The following LINGO2 variants were observed in gnomAD, a reference collection of about 807,000 sequenced individuals.
LINGO2 encodes leucine-rich repeat and immunoglobulin-like domain-containing nogo receptor-interacting protein 2.
LINGO2 carries 14 observed loss-of-function variants against 30.6 expected under a neutral mutation model. That is an observed-to-expected ratio of 0.46 (90% confidence interval 0.30 to 0.72). The LOEUF (loss-of-function observed/expected upper bound fraction) is 0.72. Among genes scored for constraint, LINGO2 ranks in the 30% least tolerant of loss-of-function variants. The pLI is 0.07. For synonymous variants in LINGO2, 317 were observed against 288.5 expected (o/e 1.10, Z -1.00); for missense variants, 729 against 751.7 (o/e 0.97, Z 0.35).
At chr9:29,154,714 G>A in the LINGO2 span, among the ~76,000 whole-genome samples, 2 of 152,108 alleles carry the variant, frequency 1.3e-5, no homozygotes, top group Admixed American at 1.3e-4. Flanking sequence ...ATGGAATCCA[G>A]GTACCACAGC....
intron 4 of LINGO2, among the ~76,000 whole-genome samples, chr9:28,209,070 C>T (rs756993236): frequency 9.2e-5 from 14 of 151,930 alleles, no homozygotes; most frequent in Non-Finnish European, 1.5e-4. Flanking sequence ...CGACAGAGAG[C>T]AAAAATACCT....
chr9:29,185,449 A>C, the LINGO2 span, among the ~76,000 whole-genome samples: 3 of 152,166 alleles, frequency 2.0e-5, no homozygotes, highest in Non-Finnish European at 2.9e-5. Flanking sequence ...GACATTACAT[A>C]CTTTAAACGC....
intron 1 of LINGO2, among the ~76,000 whole-genome samples, chr9:28,551,574 G>C (rs1822284805): frequency 6.6e-6 from 1 of 151,844 alleles, no homozygotes; most frequent in South Asian, 2.1e-4. Context: ...TAATTCAGTG[G>C]TTGTACACAA....
intron 5 of LINGO2, among the ~76,000 whole-genome samples, chr9:27,952,459 A>T (rs1182991763): frequency 6.6e-6 from 1 of 152,022 alleles, no homozygotes; most frequent in African/African-American, 2.4e-5. Flanking sequence ...TCTAAAGTTC[A>T]TTTGGAAGAA....
chr9:28,728,826 A>C, the LINGO2 span, among the ~76,000 whole-genome samples: 1 of 152,172 alleles, frequency 6.6e-6, no homozygotes, highest in Admixed American at 6.6e-5. Flanking sequence ...TATAATATAA[A>C]TCATTCCAAA....
rs762178249 is a variant in LINGO2 at position 28,029,569 on chromosome 9, ATCC to A, written c.-86-17167_-86-17165del. ...CAGCTATGAAAGGAACCACATTTAT[ATCC>A]TTCTAACCGTCAAAAATAAAATGAA... is the stretch of plus-strand genomic sequence containing the variant. On this transcript the variant is annotated intron_variant, in intron 4 of 5. Coordinates refer to ENST00000379992, the Ensembl canonical transcript of LINGO2. 1.9e-3 allele frequency among the ~76,000 whole-genome samples: 284 copies of A among 152,318 alleles called. 1 individual carries two copies. Among genetic ancestry groups the A allele is most frequent in the Middle Eastern group, 0.014 (4 of 294 alleles).
intron 4 of LINGO2, among the ~76,000 whole-genome samples, chr9:28,096,164 G>A (rs1055436376): frequency 1.3e-5 from 2 of 152,192 alleles, no homozygotes; most frequent in South Asian, 4.1e-4. Context: ...AAAAAGGATA[G>A]TTCTGTTGCC....
chr9:28,558,066 C>T (rs1052302965), intron 1 of LINGO2, among the ~76,000 whole-genome samples: 4 of 150,002 alleles, frequency 2.7e-5, no homozygotes, highest in Non-Finnish European at 4.4e-5. Context: ...TTAGTGGGTG[C>T]AGCACACCAG....
chr9:28,985,747 T>C, the LINGO2 span, among the ~76,000 whole-genome samples: 1 of 152,094 alleles, frequency 6.6e-6, no homozygotes, highest in Non-Finnish European at 1.5e-5. Context: ...TTAAGTTCTT[T>C]ATATATTTTG....
chr9:28,279,233 A>G (rs748204202), intron 4 of LINGO2, among the ~76,000 whole-genome samples: 3 of 152,182 alleles, frequency 2.0e-5, no homozygotes, highest in Non-Finnish European at 4.4e-5. Flanking sequence ...ACATTGGTGA[A>G]ATGACAACAG....
At chr9:28,741,797 C>T in the LINGO2 span, among the ~76,000 whole-genome samples, 40,409 of 151,352 alleles carry the variant, frequency 0.27, 5,827 homozygotes, top group Admixed American at 0.42. Context: ...TCTGGGTCTG[C>T]GTGTGCTGCC....
the LINGO2 span, among the ~76,000 whole-genome samples, chr9:28,906,345 A>G: frequency 6.6e-6 from 1 of 152,118 alleles, no homozygotes; most frequent in African/African-American, 2.4e-5. Context: ...TATATGTGAT[A>G]ATTAGCTCAA....
At chr9:27,955,034 C>T (rs1819499609) in intron 5 of LINGO2, among the ~76,000 whole-genome samples, 1 of 152,070 alleles carries the variant, frequency 6.6e-6, no homozygotes, top group South Asian at 2.1e-4. Context: ...TTTCATATTC[C>T]TGTTGACTAC....
intron 1 of LINGO2, among the ~76,000 whole-genome samples, chr9:28,509,197 G>C (rs1277895807): frequency 6.6e-6 from 1 of 152,100 alleles, no homozygotes; most frequent in Non-Finnish European, 1.5e-5. Context: ...AATTTACAAA[G>C]CAATTCTAAA....
the LINGO2 span, among the ~76,000 whole-genome samples, chr9:28,758,497 C>T: frequency 6.6e-6 from 1 of 152,040 alleles, no homozygotes. Context: ...AAGCCTGTTA[C>T]TAAACCAATA....
intron 2 of LINGO2, among the ~76,000 whole-genome samples, chr9:28,377,293 G>C (rs1821166304): frequency 6.6e-6 from 1 of 152,116 alleles, no homozygotes; most frequent in African/African-American, 2.4e-5. Flanking sequence ...TGAAGAGAAA[G>C]AGGATGAAGA....
chr9:28,819,410 T>C, the LINGO2 span, among the ~76,000 whole-genome samples: 1 of 152,166 alleles, frequency 6.6e-6, no homozygotes, highest in Non-Finnish European at 1.5e-5. Context: ...CAAGCATTTA[T>C]AAAAAAAGTT....
chr9:28,057,561 ATATACATATATATACACATATATG>A (rs1365678794), intron 4 of LINGO2, among the ~76,000 whole-genome samples: 36 of 21,882 alleles, frequency 1.6e-3, no homozygotes, highest in South Asian at 6.8e-3. Context: ...AAGTATATAT[ATATACATATATATACACATATATG>A]TATATACATA....
intron 4 of LINGO2, among the ~76,000 whole-genome samples, chr9:28,182,908 A>G (rs984389377): frequency 2.6e-5 from 4 of 152,192 alleles, no homozygotes; most frequent in Non-Finnish European, 5.9e-5. Context: ...GCGATTCCTC[A>G]AGGATCTAGA....
Sources: gnomAD v4.1 joint callset for allele counts (sites outside exome capture counted in the v4.1 genomes callset) on GRCh38, gnomAD v4.1.1 for gene constraint, MANE v1.5 for transcripts, NCBI Gene and HGNC (gene_info 2026-07-23, HGNC 2026-07-21) for gene names.